DNAH5: variants seen among roughly 807,000 people sequenced by gnomAD.
DNAH5 encodes the protein axonemal beta dynein heavy chain 5.
A neutral mutation model predicts 518.2 loss-of-function variants in DNAH5; 372 were observed. The ratio of observed to expected loss-of-function variants is 0.72; its 90% CI spans 0.66 to 0.78. The LOEUF is 0.78. Among genes scored for constraint, DNAH5 ranks in the 30% least tolerant of loss-of-function variants. DNAH5 has a pLI of 0.00. For missense variants in DNAH5, 5,523 were observed against 5,687.0 expected, an observed-to-expected ratio of 0.97 and a Z score of 0.93; for synonymous variants, 2,039 against 2,025.9, an observed-to-expected ratio of 1.01 and a Z score of -0.17.
intron 7 of DNAH5, among the ~76,000 whole-genome samples, chr5:13,917,735 T>C (rs755301168): frequency 1.3e-5 from 2 of 152,186 alleles, no homozygotes; most frequent in Admixed American, 1.3e-4. Context: ...AATCTAAAAG[T>C]GAGAGAAGTA....
intron 12 of DNAH5, 81 bp downstream of exon 12, chr5:13,911,305 T>G: frequency 9.5e-7 from 1 of 1,057,796 alleles, no homozygotes; most frequent in Non-Finnish European, 1.5e-6. Flanking sequence ...TGCCTTCTGA[T>G]TGGGTAATGA....
At chr5:13,741,407 C>G (rs887418500) in intron 65 of DNAH5, among the ~76,000 whole-genome samples, 2 of 152,042 alleles carry the variant, frequency 1.3e-5, no homozygotes, top group South Asian at 2.1e-4. Context: ...TGTAGCAACT[C>G]AAGCAAAACT....
chr5:13,788,625 A>G (rs1320957599), intron 51 of DNAH5, 91 bp downstream of exon 51: 1 of 1,115,868 alleles, frequency 9.0e-7, no homozygotes, highest in Admixed American at 1.7e-5. Flanking sequence ...CTAGAAAGAA[A>G]CTCAACATCC....
intron 1 of DNAH5, among the ~76,000 whole-genome samples, chr5:13,961,850 T>C (rs1235051692): frequency 1.3e-5 from 2 of 152,130 alleles, no homozygotes; most frequent in Non-Finnish European, 2.9e-5. Context: ...CCTTGATTGA[T>C]ACTCTCTCCT....
chr5:13,742,562 A>T (rs531481431), intron 65 of DNAH5, among the ~76,000 whole-genome samples: 1 of 152,262 alleles, frequency 6.6e-6, no homozygotes, highest in South Asian at 2.1e-4. Context: ...CTTATGAAAC[A>T]AATATTAATA....
chr5:13,734,076 T>TAA (rs1246686894), intron 68 of DNAH5, among the ~76,000 whole-genome samples: 1 of 152,138 alleles, frequency 6.6e-6, no homozygotes, highest in Non-Finnish European at 1.5e-5. Context: ...CATTGAGACA[T>TAA]AATTATGATT....
intron 65 of DNAH5, among the ~76,000 whole-genome samples, chr5:13,745,106 T>G (rs952607990): frequency 6.6e-6 from 1 of 152,150 alleles, no homozygotes; most frequent in Admixed American, 6.6e-5. Flanking sequence ...CCTTGTATTG[T>G]GTGACCAGCA....
intron 74 of DNAH5, among the ~76,000 whole-genome samples, chr5:13,716,053 G>A (rs1744242079): frequency 6.6e-6 from 1 of 152,210 alleles, no homozygotes; most frequent in Admixed American, 6.5e-5. Context: ...CATTAGGCCA[G>A]GGTTAAGGAA....
chr5:13,850,646 A>G lies in DNAH5; in HGVS notation c.5114+6T>C, dbSNP rs1252749288. ...CCGAGAGCTTTCAAAGAGCCAGTGA[A>G]CTTACCCAGTAAGGGATTTCTGGCA... On this transcript the variant is annotated splice_donor_region_variant and intron_variant, in intron 31 of 78. Transcript: ENST00000265104. 1.2e-6 allele frequency: 2 copies of G among 1,613,538 alleles called. No individual in the cohort carries two copies. Among genetic ancestry groups the G allele is most frequent in the South Asian group, 2.2e-5 (2 of 91,048 alleles).
At position 13,754,291 on chromosome 5, in the gene DNAH5, A is replaced by T; in HGVS notation, c.10467T>A (p.Ala3489=). The T allele has an allele frequency of 6.2e-7, 1 of 1,614,118 alleles. No individual in the cohort carries two copies. Among genetic ancestry groups the T allele is most frequent in the Non-Finnish European group, 8.5e-7 (1 of 1,179,988 alleles). ...AERCRHKMQT[A]STLISGLAGE... Reference sequence around the variant, plus strand: ...CTGCCAAGCCACTGATGAGCGTGGAAGCTGTCTGCATCTTGTGTCTGCATC... The same window carrying T: ...CTGCCAAGCCACTGATGAGCGTGGATGCTGTCTGCATCTTGTGTCTGCATC... Residue 3489 remains alanine, a synonymous_variant, in exon 62 of 79, where the codon GCT becomes GCA. Transcript: ENST00000265104.
chr5:13,727,443 A>T, intron 70 of DNAH5, 64 bp downstream of exon 70: 1 of 1,440,866 alleles, frequency 6.9e-7, no homozygotes, highest in Non-Finnish European at 9.4e-7. Context: ...TATTTTTTTT[A>T]ATTTAAAAGA....
intron 1 of DNAH5, among the ~76,000 whole-genome samples, chr5:13,960,673 T>C (rs970940808): frequency 1.3e-5 from 2 of 152,186 alleles, no homozygotes; most frequent in Non-Finnish European, 2.9e-5. Context: ...TCTTCTTACG[T>C]CAGCATAGGG....
At chr5:13,903,310 G>T (rs1774907918) in intron 12 of DNAH5, among the ~76,000 whole-genome samples, 1 of 151,292 alleles carries the variant, frequency 6.6e-6, no homozygotes, top group South Asian at 2.1e-4. Context: ...ATAAAGAAAT[G>T]GAAAAATACA....
intron 53 of DNAH5, among the ~76,000 whole-genome samples, chr5:13,778,574 GAAAGAAAGAAAGAAAGAA>G (rs1191548320): frequency 2.7e-5 from 2 of 73,072 alleles, no homozygotes; most frequent in Non-Finnish European, 5.9e-5. Context: ...AAGAAAGAAA[GAAAGAAAGAAAGAAAGAA>G]AGAAAGAGAG....
chr5:13,780,295 T>C (rs1339261882), intron 53 of DNAH5, among the ~76,000 whole-genome samples: 1 of 152,212 alleles, frequency 6.6e-6, no homozygotes, highest in Non-Finnish European at 1.5e-5. Flanking sequence ...TCATAGGTGG[T>C]GCCTATGAAT....
chr5:13,750,233 A>G (rs1750026107), intron 65 of DNAH5, among the ~76,000 whole-genome samples: 1 of 152,188 alleles, frequency 6.6e-6, no homozygotes, highest in Non-Finnish European at 1.5e-5. Context: ...GTCAGCGTAG[A>G]AGGTGCCATA....
In DNAH5 at chr5:13,898,779, A is replaced by G. The variant is rs535245230; in HGVS notation, c.2259+1427T>C. ...GTATTGTCACGTGATGTTAACCACT[A>G]TGAAATTTTAACAATGGTTTCCATG... On this transcript the variant is annotated intron_variant, in intron 15 of 78. Transcript: ENST00000265104. 7.1e-5 allele frequency: 28 copies of G among 395,586 alleles called. No individual in the cohort carries two copies. In the East Asian group the frequency reaches 7.9e-4, roughly 11 times the overall value. 24.5% of individuals were successfully genotyped at this position (395,586 alleles called of 1,614,324 possible). A position where few individuals can be genotyped will look rare whatever the true frequency, so the allele number is the denominator to read the frequency against.
chr5:13,699,298 G>T (rs535375671), intron 78 of DNAH5, among the ~76,000 whole-genome samples: 29 of 152,166 alleles, frequency 1.9e-4, no homozygotes, highest in South Asian at 1.9e-3. Flanking sequence ...CTTACTACGG[G>T]TCTCCTTCAC....
At chr5:13,913,981 A>G in intron 10 of DNAH5, 23 bp from the exon 11 acceptor site, 1 of 1,609,466 alleles carries the variant, frequency 6.2e-7, no homozygotes, top group South Asian at 1.1e-5. Flanking sequence ...AGAAAAATAT[A>G]CAACAAAGGG....
Sources: allele counts gnomAD v4.1 joint callset (sites outside exome capture counted in the v4.1 genomes callset), GRCh38; gene constraint gnomAD v4.1.1; transcripts MANE v1.5; gene names NCBI Gene and HGNC (gene_info 2026-07-23, HGNC 2026-07-21).